Variants in CBFA2T2 observed in about 807,000 individuals in gnomAD.
The protein encoded by CBFA2T2 is CBFA2/RUNX1 partner transcriptional co-repressor 2.
In CBFA2T2, 11 loss-of-function variants were observed where a neutral mutation model predicts 62.2. That is an observed-to-expected ratio of 0.18 (90% CI 0.11 to 0.29). CBFA2T2 has a LOEUF of 0.29. CBFA2T2 is among the 10% of genes least tolerant of loss of function. The pLI is 1.00. For missense variants in CBFA2T2, 592 were observed against 774.1 expected (o/e 0.76, Z 2.79); for synonymous variants, 295 against 287.5 (o/e 1.03, Z -0.27).
intron 1 of CBFA2T2, among the ~76,000 whole-genome samples, chr20:33,598,284 A>G (rs910119282): frequency 6.6e-6 from 1 of 152,178 alleles, no homozygotes; most frequent in East Asian, 1.9e-4. Flanking sequence ...GCCTGGGAGC[A>G]CTATGGGAGA....
intron 1 of CBFA2T2, chr20:33,562,640 A>T: frequency 3.0e-6 from 3 of 985,614 alleles, no homozygotes; most frequent in Non-Finnish European, 3.6e-6. Context: ...TGGTGTATTT[A>T]AGAATCTGGA....
chr20:33,645,786 C>T lies in CBFA2T2; in HGVS notation c.*1140C>T, dbSNP rs2017028671. The T allele has an allele frequency of 6.6e-6, 1 of 152,198 alleles. No homozygotes were observed. The highest frequency in any genetic ancestry group is 2.4e-5 in the African/African-American group (1 of 41,440). The allele number at this position is 152,198 out of a possible 1,614,324, so 9.4% of individuals were successfully genotyped here. A position where few individuals can be genotyped will look rare whatever the true frequency, so the allele number is the denominator to read the frequency against. ...TATATCTACTATGTTGATTTATCATCAGGCACACAACTTCTGTTTCCTTCT... is the reference window on the plus strand; with the variant it reads ...TATATCTACTATGTTGATTTATCATTAGGCACACAACTTCTGTTTCCTTCT... On this transcript the variant is annotated 3_prime_UTR_variant, in exon 11 of 11. Coordinates refer to ENST00000342704, the MANE Select transcript of CBFA2T2 (RefSeq NM_001032999.3).
chr20:33,536,668 G>A (rs923828486), intron 1 of CBFA2T2, among the ~76,000 whole-genome samples: 1 of 151,622 alleles, frequency 6.6e-6, no homozygotes, highest in Admixed American at 6.6e-5. Flanking sequence ...TGGGGCGGCC[G>A]GGCAGAGACG....
At chr20:33,524,997 G>A (rs2011845341) in intron 1 of CBFA2T2, among the ~76,000 whole-genome samples, 1 of 151,988 alleles carries the variant, frequency 6.6e-6, no homozygotes, top group African/African-American at 2.4e-5. Flanking sequence ...ACCACGCCTG[G>A]CTAATTTTTG....
At chr20:33,628,990 G>A (rs1437596243) in intron 7 of CBFA2T2, among the ~76,000 whole-genome samples, 1 of 152,224 alleles carries the variant, frequency 6.6e-6, no homozygotes, top group Non-Finnish European at 1.5e-5. Context: ...TTGTAGCCAG[G>A]TGCAGTGGCA....
At chr20:33,503,720 C>A (rs531854846) in intron 1 of CBFA2T2, among the ~76,000 whole-genome samples, 10 of 152,230 alleles carry the variant, frequency 6.6e-5, no homozygotes, top group African/African-American at 2.4e-4. Flanking sequence ...CAGGGTCTTA[C>A]TATGTTGCCC....
intron 1 of CBFA2T2, among the ~76,000 whole-genome samples, chr20:33,500,109 C>T (rs1346110858): frequency 6.6e-6 from 1 of 152,050 alleles, no homozygotes; most frequent in East Asian, 1.9e-4. Context: ...AGGCGCCCGT[C>T]ACCACACCCG....
chr20:33,563,189 T>G (rs1229085902), intron 1 of CBFA2T2, among the ~76,000 whole-genome samples: 1 of 152,214 alleles, frequency 6.6e-6, no homozygotes. Context: ...TTCATTTACA[T>G]TTTGCTCCTA....
chr20:33,620,961 C>G (rs905550002), intron 4 of CBFA2T2, among the ~76,000 whole-genome samples: 1 of 152,206 alleles, frequency 6.6e-6, no homozygotes, highest in African/African-American at 2.4e-5. Flanking sequence ...CCACTAATGT[C>G]TTTTACAACA....
At chr20:33,632,850 C>G (rs531755897) in intron 8 of CBFA2T2, among the ~76,000 whole-genome samples, 1 of 152,228 alleles carries the variant, frequency 6.6e-6, no homozygotes, top group East Asian at 1.9e-4. Flanking sequence ...TCACTGCTCC[C>G]CAGGTTCGAG....
At chr20:33,558,075 TCTCGGC>T (rs1425279260) in intron 1 of CBFA2T2, among the ~76,000 whole-genome samples, 1 of 151,134 alleles carries the variant, frequency 6.6e-6, no homozygotes, top group African/African-American at 2.4e-5. Flanking sequence ...GATCCACTCG[TCTCGGC>T]CTTCCAAAGT....
intron 1 of CBFA2T2, among the ~76,000 whole-genome samples, chr20:33,544,945 C>CAGAAT (rs765681667): frequency 0.061 from 7,979 of 130,778 alleles, 323 homozygotes; most frequent in African/African-American, 0.07. Context: ...TAGAATAGAA[C>CAGAAT]AGAATAGAAT....
intron 1 of CBFA2T2, among the ~76,000 whole-genome samples, chr20:33,501,438 A>T (rs933409286): frequency 2.6e-5 from 4 of 152,124 alleles, no homozygotes; most frequent in African/African-American, 9.7e-5. Context: ...GAGCTACACT[A>T]ACTTTATGTC....
At chr20:33,509,807 A>G (rs1346945978) in intron 1 of CBFA2T2, among the ~76,000 whole-genome samples, 1 of 151,356 alleles carries the variant, frequency 6.6e-6, no homozygotes, top group Non-Finnish European at 1.5e-5. Flanking sequence ...CCAGCCTGGG[A>G]GATAGAGTAA....
chr20:33,606,391 AC>A (rs1173490342), intron 1 of CBFA2T2, among the ~76,000 whole-genome samples: 2 of 152,194 alleles, frequency 1.3e-5, no homozygotes, highest in African/African-American at 4.8e-5. Flanking sequence ...GTAACAAAGT[AC>A]CACTAACTGA....
chr20:33,547,399 T>A (rs1357719000), intron 1 of CBFA2T2, among the ~76,000 whole-genome samples: 4 of 151,770 alleles, frequency 2.6e-5, no homozygotes, highest in African/African-American at 9.7e-5. Context: ...ATAAAAAATT[T>A]AAAAATAAAA....
chr20:33,497,045 C>T (rs563299581), intron 1 of CBFA2T2, among the ~76,000 whole-genome samples: 22 of 151,846 alleles, frequency 1.4e-4, no homozygotes, highest in South Asian at 1.2e-3. Flanking sequence ...AGGCTGAGGC[C>T]GGCAGATCAC....
At chr20:33,509,020 C>G (rs964530404) in intron 1 of CBFA2T2, among the ~76,000 whole-genome samples, 4 of 152,148 alleles carry the variant, frequency 2.6e-5, no homozygotes, top group Non-Finnish European at 4.4e-5. Context: ...ACCCTCTTCA[C>G]AGTTAGTTAT....
intron 1 of CBFA2T2, among the ~76,000 whole-genome samples, chr20:33,595,234 C>T (rs912983821): frequency 2.0e-5 from 3 of 151,980 alleles, no homozygotes; most frequent in East Asian, 1.9e-4. Context: ...TTTTTTGAGT[C>T]GGAGTCTCAC....
Sources: gnomAD v4.1 joint callset for allele counts (sites outside exome capture counted in the v4.1 genomes callset) on GRCh38, gnomAD v4.1.1 for gene constraint, MANE v1.5 for transcripts, NCBI Gene and HGNC (gene_info 2026-07-23, HGNC 2026-07-21) for gene names.